Variants in AJAP1 observed in about 807,000 individuals in gnomAD.
AJAP1 encodes the protein adherens junctions associated protein 1, also known as adherens junction-associated protein 1.
A neutral mutation model predicts 35.0 loss-of-function variants in AJAP1; 5 were observed. The observed-to-expected ratio is 0.14, with a 90% CI of 0.07 to 0.30. The LOEUF (loss-of-function observed/expected upper bound fraction) is 0.30, where lower values mean the gene tolerates loss of function less well. Among genes scored for constraint, AJAP1 ranks in the 10% least tolerant of loss-of-function variants. AJAP1 has a pLI of 1.00. For synonymous variants in AJAP1, 284 were observed against 249.3 expected (o/e 1.14, Z -1.31); for missense variants, 586 against 571.0 (o/e 1.03, Z -0.27).
At chr1:4,682,038 G>A (rs1458027822) in intron 1 of AJAP1, among the ~76,000 whole-genome samples, 1 of 152,192 alleles carries the variant, frequency 6.6e-6, no homozygotes, top group African/African-American at 2.4e-5. Flanking sequence ...CACATATCCA[G>A]GAAGTGCCAG....
At chr1:4,689,708 C>T (rs1570114532) in intron 1 of AJAP1, among the ~76,000 whole-genome samples, 2 of 152,210 alleles carry the variant, frequency 1.3e-5, no homozygotes, top group South Asian at 4.1e-4. Context: ...TCATGAGCAT[C>T]CGGCATGAGC....
chr1:4,701,453 C>T (rs1639988234), intron 1 of AJAP1, among the ~76,000 whole-genome samples: 1 of 152,184 alleles, frequency 6.6e-6, no homozygotes, highest in Admixed American at 6.5e-5. Flanking sequence ...TGGAGAGCTG[C>T]ATGGCCTGCA....
At chr1:4,702,115 A>G (rs1357907086) in intron 1 of AJAP1, among the ~76,000 whole-genome samples, 2 of 152,008 alleles carry the variant, frequency 1.3e-5, no homozygotes, top group Non-Finnish European at 2.9e-5. Flanking sequence ...ACGTGTCCCC[A>G]GTATTCCAAC....
chr1:4,697,275 C>T (rs1474396965), intron 1 of AJAP1, among the ~76,000 whole-genome samples: 1 of 152,196 alleles, frequency 6.6e-6, no homozygotes, highest in Non-Finnish European at 1.5e-5. Flanking sequence ...GTGAGTGTGG[C>T]ACAGGATTAG....
intron 5 of AJAP1, among the ~76,000 whole-genome samples, chr1:4,781,250 T>G (rs1203915150): frequency 1.3e-5 from 2 of 152,096 alleles, no homozygotes; most frequent in African/African-American, 4.8e-5. Context: ...ATCACTGCGG[T>G]GGGCTCAGTT....
rs768267131 is a variant in AJAP1, at chr1:4,712,193, C to A, written c.323C>A (p.Ala108Glu). ...CGGGCCCACAGGCCCCGGGACCAGG[C>A]GGCCGCCCTCGTGCCCAAGGCAGGA... ...ARRAHRPRDQ[A>E]AALVPKAGLA... The change falls in exon 2 of 6, where the codon GCG (alanine) becomes GAG (glutamate). Residue 108 changes from alanine to glutamate, a missense_variant. Transcript: ENST00000378191. The A allele has an allele frequency of 1.3e-6, 2 of 1,562,398 alleles. No homozygotes were observed. Among genetic ancestry groups the A allele is most frequent in the South Asian group, 2.4e-5 (2 of 84,558 alleles).
At chr1:4,665,390 G>A (rs1012367668) in intron 1 of AJAP1, among the ~76,000 whole-genome samples, 1 of 152,150 alleles carries the variant, frequency 6.6e-6, no homozygotes, top group African/African-American at 2.4e-5. Context: ...CCGGTACTGG[G>A]CTAATTTACT....
intron 2 of AJAP1, among the ~76,000 whole-genome samples, chr1:4,719,610 G>A (rs1640473967): frequency 6.6e-6 from 1 of 152,112 alleles, no homozygotes; most frequent in African/African-American, 2.4e-5. Context: ...GGATTGTGGA[G>A]GGAGCCAGGC....
chr1:4,772,896 C>A (rs1367959829), intron 4 of AJAP1, among the ~76,000 whole-genome samples: 2 of 152,146 alleles, frequency 1.3e-5, no homozygotes, highest in African/African-American at 2.4e-5. Context: ...CAACAGCCCC[C>A]CGACCGGAGT....
At chr1:4,721,313 C>T (rs529529533) in intron 2 of AJAP1, among the ~76,000 whole-genome samples, 3 of 152,150 alleles carry the variant, frequency 2.0e-5, no homozygotes, top group Non-Finnish European at 4.4e-5. Flanking sequence ...ATACCTCTTC[C>T]GCCTGAAGCA....
At chr1:4,713,539 G>C (rs1640316472) in intron 2 of AJAP1, among the ~76,000 whole-genome samples, 1 of 152,230 alleles carries the variant, frequency 6.6e-6, no homozygotes, top group African/African-American at 2.4e-5. Context: ...CCAAGCCAGG[G>C]CTTGTCCCTG....
At chr1:4,703,675 G>C (rs1401563878) in intron 1 of AJAP1, among the ~76,000 whole-genome samples, 1 of 152,162 alleles carries the variant, frequency 6.6e-6, no homozygotes, top group Non-Finnish European at 1.5e-5. Flanking sequence ...AGAGGCCCAA[G>C]GTACTTGAAG....
At chr1:4,675,111 C>A (rs879618363) in intron 1 of AJAP1, among the ~76,000 whole-genome samples, 1 of 152,192 alleles carries the variant, frequency 6.6e-6, no homozygotes, top group African/African-American at 2.4e-5. Flanking sequence ...CTCCTCTCCT[C>A]CCTAGGCCAG....
Position 4,772,486 on chromosome 1 carries a change from C to G in AJAP1, c.1124C>G (p.Ser375Trp). ...VPVYTDETLH[S>W]TTGEYKSTFN... ...GTGTACACCGATGAGACGCTGCACT[C>G]GACGACGGGGGAGTACAAATCCACA... Residue 375 changes from serine (S) to tryptophan (W), a missense_variant, in exon 4 of 6, where the codon TCG becomes TGG. Coordinates refer to ENST00000378191, the MANE Select transcript of AJAP1 (RefSeq NM_018836.4). 6.2e-7 allele frequency: 1 copy of G among 1,614,216 alleles called. No individual in the cohort carries two copies.
intron 2 of AJAP1, among the ~76,000 whole-genome samples, chr1:4,739,295 G>A (rs1026281653): frequency 2.0e-5 from 3 of 152,328 alleles, no homozygotes; most frequent in Middle Eastern, 3.4e-3. Flanking sequence ...CCCAGTGCAA[G>A]TATCGGCAGG....
intron 1 of AJAP1, among the ~76,000 whole-genome samples, chr1:4,701,796 G>A (rs532468963): frequency 7.2e-5 from 11 of 152,316 alleles, no homozygotes; most frequent in African/African-American, 2.2e-4. Flanking sequence ...GAGGGGCCAC[G>A]TGGTTCACGG....
At chr1:4,750,973 T>C (rs1394424497) in intron 2 of AJAP1, among the ~76,000 whole-genome samples, 1 of 150,948 alleles carries the variant, frequency 6.6e-6, no homozygotes, top group Non-Finnish European at 1.5e-5. Context: ...CAATCCCCAG[T>C]GTAGAATCCG....
rs539246590 is a variant in AJAP1, at chr1:4,769,201, C to T, written c.830-652C>T. Among the ~76,000 whole-genome samples the T allele has an allele frequency of 8.5e-5, 13 of 152,294 alleles. No individual in the cohort carries two copies. The South Asian group carries it at 1.5e-3, about 17-fold the overall frequency. On this transcript the variant is annotated intron_variant, in intron 2 of 5. Coordinates refer to ENST00000378191, the MANE Select transcript of AJAP1 (RefSeq NM_018836.4). ...CTCCTTTGGGACTGTGGGAAGCATC[C>T]GCTGCTGGCCTGAAACTTTCATTCC...
chr1:4,715,685 A>C (rs79270778), intron 2 of AJAP1, among the ~76,000 whole-genome samples: 11 of 148,050 alleles, frequency 7.4e-5, no homozygotes, highest in African/African-American at 2.7e-4. Flanking sequence ...AACTTATTTC[A>C]AAAAAAAAAA....
Sources: gnomAD v4.1 joint callset for allele counts (sites outside exome capture counted in the v4.1 genomes callset) on GRCh38, gnomAD v4.1.1 for gene constraint, MANE v1.5 for transcripts, NCBI Gene and HGNC (gene_info 2026-07-23, HGNC 2026-07-21) for gene names.